The following RBFOX1 variants were observed in gnomAD, a reference collection of about 807,000 sequenced individuals.
RBFOX1 encodes RNA binding fox-1 homolog 1.
Under a neutral mutation model 57.7 loss-of-function variants are expected in RBFOX1, and 8 were observed. That is an observed-to-expected ratio of 0.14 (90% CI 0.08 to 0.25). The LOEUF (loss-of-function observed/expected upper bound fraction) is 0.25, where lower values mean the gene tolerates loss of function less well. RBFOX1 is among the 10% of genes least tolerant of loss of function. The pLI, the probability that RBFOX1 is intolerant of heterozygous loss-of-function variation, is 1.00. For missense variants in RBFOX1, 611 were observed against 548.5 expected, an observed-to-expected ratio of 1.11 and a Z score of -1.14; for synonymous variants, 326 against 222.4, an observed-to-expected ratio of 1.47 and a Z score of -4.15.
intron 4 of RBFOX1, among the ~76,000 whole-genome samples, chr16:5,907,302 G>T (rs1318102331): frequency 6.6e-6 from 1 of 151,980 alleles, no homozygotes; most frequent in Admixed American, 6.6e-5. Flanking sequence ...CATGCCCCTG[G>T]ACCAGGATCT....
chr16:7,199,258 G>A (rs565558178), intron 4 of RBFOX1, among the ~76,000 whole-genome samples: 2 of 152,164 alleles, frequency 1.3e-5, no homozygotes, highest in African/African-American at 2.4e-5. Flanking sequence ...ATTTCCTTCA[G>A]TGTGATAATA....
chr16:7,652,016 G>C (rs866110133), intron 11 of RBFOX1, among the ~76,000 whole-genome samples: 1 of 152,028 alleles, frequency 6.6e-6, no homozygotes, highest in Non-Finnish European at 1.5e-5. Context: ...TGCATGAGAA[G>C]GGAGGAAGGG....
At chr16:6,375,703 G>A (rs925956191) in intron 2 of RBFOX1, among the ~76,000 whole-genome samples, 2 of 152,094 alleles carry the variant, frequency 1.3e-5, no homozygotes, top group Non-Finnish European at 2.9e-5. Context: ...ACAGCGGACC[G>A]TTGATTAACC....
intron 2 of RBFOX1, among the ~76,000 whole-genome samples, chr16:6,590,574 A>T (rs2097696363): frequency 6.6e-6 from 1 of 152,200 alleles, no homozygotes; most frequent in Non-Finnish European, 1.5e-5. Context: ...TGAGAGTTCT[A>T]CAGGATTATT....
intron 4 of RBFOX1, among the ~76,000 whole-genome samples, chr16:7,337,871 G>C (rs909326665): frequency 1.3e-5 from 2 of 152,122 alleles, no homozygotes; most frequent in African/African-American, 4.8e-5. Context: ...TTTTAGTAGA[G>C]ACAGGGTTTC....
chr16:6,625,529 T>G (rs2154051191), intron 2 of RBFOX1, among the ~76,000 whole-genome samples: 1 of 152,316 alleles, frequency 6.6e-6, no homozygotes, highest in South Asian at 2.1e-4. Context: ...TCGTTAAAAC[T>G]TTAAGAAAGC....
chr16:7,086,573 A>G (rs920116389), intron 4 of RBFOX1, among the ~76,000 whole-genome samples: 2 of 152,158 alleles, frequency 1.3e-5, no homozygotes, highest in African/African-American at 2.4e-5. Context: ...TGATTTATAG[A>G]AAAAAATTAT....
chr16:7,071,164 T>C (rs756283850), intron 4 of RBFOX1, among the ~76,000 whole-genome samples: 28 of 152,198 alleles, frequency 1.8e-4, no homozygotes, highest in Admixed American at 1.1e-3. Flanking sequence ...AAGCTTCCGT[T>C]TTGACTAGTA....
At chr16:6,577,464 G>A (rs78265651) in intron 2 of RBFOX1, 2 of 152,288 alleles carry the variant, frequency 1.3e-5, no homozygotes, top group East Asian at 3.9e-4. Context: ...TCTCCAGTTT[G>A]TATCAGTCGG....
intron 1 of RBFOX1, among the ~76,000 whole-genome samples, chr16:6,039,440 T>A (rs2095412326): frequency 6.6e-6 from 1 of 151,976 alleles, no homozygotes. Flanking sequence ...CATATTTCCC[T>A]GCGTTAGCAC....
intron 3 of RBFOX1, among the ~76,000 whole-genome samples, chr16:5,781,519 A>C (rs975503549): frequency 6.6e-6 from 1 of 152,192 alleles, no homozygotes; most frequent in Non-Finnish European, 1.5e-5. Flanking sequence ...CTAGGAAAGG[A>C]ATTGGCAAAC....
At chr16:6,124,322 G>T (rs992565908) in intron 1 of RBFOX1, among the ~76,000 whole-genome samples, 1 of 152,248 alleles carries the variant, frequency 6.6e-6, no homozygotes, top group South Asian at 2.1e-4. Context: ...TATAGCCCCA[G>T]CGTGAAAGTT....
At chr16:6,162,714 C>T (rs1000233644) in intron 1 of RBFOX1, among the ~76,000 whole-genome samples, 1 of 152,042 alleles carries the variant, frequency 6.6e-6, no homozygotes, top group African/African-American at 2.4e-5. Flanking sequence ...GGGGAATGGG[C>T]ATACAATGTG....
At chr16:7,065,614 T>C (rs1288307932) in intron 4 of RBFOX1, among the ~76,000 whole-genome samples, 2 of 152,216 alleles carry the variant, frequency 1.3e-5, no homozygotes, top group African/African-American at 2.4e-5. Flanking sequence ...ATTGAACTAA[T>C]TAGCATTGCA....
At chr16:6,902,200 C>T (rs939103142) in intron 3 of RBFOX1, among the ~76,000 whole-genome samples, 21 of 152,092 alleles carry the variant, frequency 1.4e-4, no homozygotes, top group African/African-American at 4.8e-4. Flanking sequence ...TTCTTGATGT[C>T]TTCATTTTTT....
At chr16:5,457,914 C>G (rs543960444) in intron 1 of RBFOX1, among the ~76,000 whole-genome samples, 1 of 152,108 alleles carries the variant, frequency 6.6e-6, no homozygotes, top group Non-Finnish European at 1.5e-5. Context: ...TATGAATAAA[C>G]GAAAGCCATG....
At chr16:7,504,771 T>TTTTATA (rs2072541790) in intron 4 of RBFOX1, among the ~76,000 whole-genome samples, 2 of 49,836 alleles carry the variant, frequency 4.0e-5, no homozygotes, top group African/African-American at 3.3e-4. Flanking sequence ...ATATATATAT[T>TTTTATA]TATATATATA....
chr16:5,918,895 T>C (rs1193069984), intron 4 of RBFOX1, among the ~76,000 whole-genome samples: 1 of 152,162 alleles, frequency 6.6e-6, no homozygotes, highest in African/African-American at 2.4e-5. Context: ...AAAGTCGTCT[T>C]TAGGTCCAGC....
chr16:7,352,342 G>C (rs1376155161), intron 4 of RBFOX1, among the ~76,000 whole-genome samples: 1 of 152,182 alleles, frequency 6.6e-6, no homozygotes, highest in Non-Finnish European at 1.5e-5. Context: ...TGATGACCAA[G>C]TCGGAGAGAA....
Sources: allele counts gnomAD v4.1 joint callset (sites outside exome capture counted in the v4.1 genomes callset), GRCh38; gene constraint gnomAD v4.1.1; transcripts MANE v1.5; gene names NCBI Gene and HGNC (gene_info 2026-07-23, HGNC 2026-07-21).